The following PIK3CA variants were observed in gnomAD, a reference collection of about 807,000 sequenced individuals.
PIK3CA encodes the protein phosphatidylinositol-4,5-bisphosphate 3-kinase catalytic subunit alpha.
PIK3CA carries 27 observed loss-of-function variants against 138.2 expected under a neutral mutation model. The observed-to-expected ratio is 0.20, with a 90% CI of 0.14 to 0.27. The LOEUF is 0.27. Ranked by LOEUF, PIK3CA falls within the 10% of genes least tolerant of loss-of-function variation. The pLI is 1.00. For synonymous variants in PIK3CA, 358 were observed against 413.2 expected (o/e 0.87, Z 1.62); for missense variants, 544 against 1,277.4 (o/e 0.43, Z 8.75).
intron 18 of PIK3CA, 68 bp from the exon 19 acceptor site, chr3:179,229,936 T>A (rs998030779): frequency 5.1e-6 from 5 of 975,926 alleles, no homozygotes; most frequent in Non-Finnish European, 7.7e-6. Flanking sequence ...TGCACCCTGT[T>A]TTCTTTTCTC....
intron 1 of PIK3CA, among the ~76,000 whole-genome samples, chr3:179,148,998 T>C (rs1242920658): frequency 6.6e-6 from 1 of 152,040 alleles, no homozygotes. Context: ...CCGCGAGGAC[T>C]GCGGCTCAAG....
intron 1 of PIK3CA, among the ~76,000 whole-genome samples, chr3:179,161,971 C>T (rs999625244): frequency 3.1e-4 from 47 of 151,952 alleles, no homozygotes; most frequent in African/African-American, 1.1e-3. Context: ...ATGTGGTAGA[C>T]CCTGGGTATA....
In PIK3CA at chr3:179,220,236, G is replaced by A. The variant is rs550758195; in HGVS notation, c.2015+184G>A. 1.3e-5 allele frequency among the ~76,000 whole-genome samples: 2 copies of A among 152,186 alleles called. No homozygotes were observed. Among genetic ancestry groups the A allele is most frequent in the African/African-American group, 4.8e-5 (2 of 41,554 alleles). ...TTTGCTCTTTGAAATTTAAAAAGCA[G>A]TAAATTCAAAACTAAATTTTAGTCA... On this transcript the variant is annotated intron_variant, in intron 13 of 20. Transcript: ENST00000263967. The surrounding 1 kb of genome is among the most constrained non-coding windows in gnomAD (Gnocchi z 4.1).
At chr3:179,164,631 G>A (rs1478357281) in intron 1 of PIK3CA, among the ~76,000 whole-genome samples, 2 of 152,124 alleles carry the variant, frequency 1.3e-5, no homozygotes, top group Non-Finnish European at 2.9e-5. Context: ...ACTTTGGGAG[G>A]CCAAGGCGGG....
At chr3:179,175,172 G>A (rs1723665106) in intron 1 of PIK3CA, among the ~76,000 whole-genome samples, 1 of 152,110 alleles carries the variant, frequency 6.6e-6, no homozygotes, top group African/African-American at 2.4e-5. Flanking sequence ...TCCTCTCGTG[G>A]CATCTTGAAG....
rs1724506940 is a variant in PIK3CA at position 179,204,545 on chromosome 3, T to C, written c.1102T>C (p.Cys368Arg). The C allele has an allele frequency of 6.3e-7, 1 of 1,592,614 alleles. No individual in the cohort carries two copies. Among genetic ancestry groups the C allele is most frequent in the Non-Finnish European group, 8.6e-7 (1 of 1,160,634 alleles). ...TATCTACCATGGAGGAGAACCCTTA[T>C]GTGACAATGTGAACACTCAAAGAGT... ...TGIYHGGEPL[C>R]DNVNTQRVPC... The change falls in exon 6 of 21, where the codon TGT becomes CGT. Residue 368 changes from cysteine to arginine, a missense_variant. Physicochemically the swap from Cys to Arg is radical, Grantham distance 180. This residue lies in a region of PIK3CA where 234 missense variants were observed against 401.3 expected (regional missense o/e 0.58). Coordinates refer to ENST00000263967, the MANE Select transcript of PIK3CA (RefSeq NM_006218.4).
At chr3:179,176,117 G>A (rs184530806) in intron 1 of PIK3CA, among the ~76,000 whole-genome samples, 1 of 152,070 alleles carries the variant, frequency 6.6e-6, no homozygotes, top group Non-Finnish European at 1.5e-5. Flanking sequence ...CTGAAGAAAG[G>A]GACTTTGGGT....
intron 3 of PIK3CA, among the ~76,000 whole-genome samples, chr3:179,201,063 T>C (rs1364568456): frequency 2.0e-5 from 3 of 152,180 alleles, no homozygotes; most frequent in Admixed American, 1.3e-4. Flanking sequence ...GACCCACATA[T>C]CACAGTTTTG....
chr3:179,163,738 T>G (rs1723344562), intron 1 of PIK3CA, among the ~76,000 whole-genome samples: 1 of 152,170 alleles, frequency 6.6e-6, no homozygotes, highest in South Asian at 2.1e-4. Context: ...AAGGGACATG[T>G]TTTTCCCTGA....
At chr3:179,232,897 C>T (rs1476170579) in intron 20 of PIK3CA, among the ~76,000 whole-genome samples, 1 of 151,774 alleles carries the variant, frequency 6.6e-6, no homozygotes, top group African/African-American at 2.4e-5. Flanking sequence ...TTGCTCTGTC[C>T]CCCAGGCTAG....
intron 1 of PIK3CA, among the ~76,000 whole-genome samples, chr3:179,185,540 C>G (rs1723956931): frequency 6.6e-6 from 1 of 152,122 alleles, no homozygotes; most frequent in African/African-American, 2.4e-5. Context: ...ACACTATCTG[C>G]CTAGAGATAG....
intron 20 of PIK3CA, among the ~76,000 whole-genome samples, chr3:179,231,832 G>A (rs1307368316): frequency 2.6e-5 from 4 of 151,254 alleles, no homozygotes; most frequent in African/African-American, 7.3e-5. Flanking sequence ...TAGTAGAGAC[G>A]GGGTTTCACC....
At position 179,239,636 on chromosome 3, in the gene PIK3CA, T is replaced by C. The variant is rs1302085346; in HGVS notation, c.*5272T>C. On this transcript the variant is annotated 3_prime_UTR_variant, in exon 21 of 21. Coordinates refer to ENST00000263967, the MANE Select transcript of PIK3CA (RefSeq NM_006218.4). ...TAAAATCTAAAAGAATATACCCTTT[T>C]GGAGCATAACATTTTAATACCTTGG... The C allele has an allele frequency of 1.2e-5, 3 of 250,928 alleles. No individual in the cohort carries two copies. Among genetic ancestry groups the C allele is most frequent in the Non-Finnish European group, 2.3e-5 (3 of 130,892 alleles). The allele number at this position is 250,928 out of a possible 1,614,324, so 15.5% of individuals were successfully genotyped here.
rs1339359927 is a variant in PIK3CA at position 179,237,739 on chromosome 3, T to C, written c.*3375T>C. 4.7e-6 allele frequency: 1 copy of C among 211,560 alleles called. No homozygotes were observed. The highest frequency in any genetic ancestry group is 9.6e-6 in the Non-Finnish European group (1 of 104,344). 13.1% of individuals were successfully genotyped at this position (211,560 alleles called of 1,614,324 possible). A position where few individuals can be genotyped will look rare whatever the true frequency, so the allele number is the denominator to read the frequency against. On this transcript the variant is annotated 3_prime_UTR_variant, in exon 21 of 21. Transcript: ENST00000263967. ...ACACGGATTTGTTTTTTCTTAATGA[T>C]GTAAATCCGTTTAATTCATACTTTG...
In PIK3CA at chr3:179,235,418, G is replaced by C. The variant is rs1282428988; in HGVS notation, c.*1054G>C. ...ATTTTTTATTGTTCATAGCAGCATG[G>C]TCAGCTTTCTTCTTGATCTATAGAT... On this transcript the variant is annotated 3_prime_UTR_variant, in exon 21 of 21. Transcript: ENST00000263967. The C allele has an allele frequency of 1.1e-5, 2 of 186,922 alleles. No homozygotes were observed. The highest frequency in any genetic ancestry group is 4.7e-5 in the African/African-American group (2 of 42,714). 11.6% of individuals were successfully genotyped at this position (186,922 alleles called of 1,614,324 possible).
At chr3:179,168,131 C>T (rs1465917320) in intron 1 of PIK3CA, among the ~76,000 whole-genome samples, 1 of 152,180 alleles carries the variant, frequency 6.6e-6, no homozygotes, top group African/African-American at 2.4e-5. Flanking sequence ...CCATTTCTAG[C>T]ATGTGGTCTC....
chr3:179,183,093 T>G (rs990369330), intron 1 of PIK3CA, among the ~76,000 whole-genome samples: 2 of 152,188 alleles, frequency 1.3e-5, no homozygotes, highest in Non-Finnish European at 2.9e-5. Context: ...AGTTATTACT[T>G]CAAGCTTTCC....
intron 20 of PIK3CA, chr3:179,233,302 T>G: frequency 2.5e-6 from 1 of 398,324 alleles, no homozygotes. Context: ...TCAGGGGGAG[T>G]GCTTTCAGCT....
chr3:179,200,081 A>T (rs2108388301), intron 3 of PIK3CA, among the ~76,000 whole-genome samples, 182 bp downstream of exon 3: 1 of 151,818 alleles, frequency 6.6e-6, no homozygotes, highest in South Asian at 2.1e-4. Context: ...ATCAATATTT[A>T]TTGGTTGAAT....
Sources: gnomAD v4.1 joint callset for allele counts (sites outside exome capture counted in the v4.1 genomes callset) on GRCh38, gnomAD v4.1.1 for gene constraint, gnomAD v4.1.1 regional missense constraint, Gnocchi (gnomAD v3.1) non-coding constraint, MANE v1.5 for transcripts, NCBI Gene and HGNC (gene_info 2026-07-23, HGNC 2026-07-21) for gene names.